The following CAPN3 variants were observed in gnomAD, a reference collection of about 807,000 sequenced individuals.
The protein encoded by CAPN3 is calpain 3.
Under a neutral mutation model 114.0 loss-of-function variants are expected in CAPN3, and 88 were observed. The observed-to-expected ratio is 0.77, with a 90% CI of 0.65 to 0.92. CAPN3 has a LOEUF of 0.92. CAPN3 is among the 40% of genes least tolerant of loss of function. CAPN3 has a pLI of 0.00. For synonymous variants in CAPN3, 386 were observed against 382.9 expected (o/e 1.01, Z -0.09); for missense variants, 1,028 against 1,069.0 (o/e 0.96, Z 0.53).
intron 23 of CAPN3, among the ~76,000 whole-genome samples, 175 bp from the exon 24 acceptor site, chr15:42,411,569 CCTT>C (rs2054237861): frequency 6.6e-6 from 1 of 151,486 alleles, no homozygotes; most frequent in African/African-American, 2.4e-5. Flanking sequence ...AAAACATGCA[CCTT>C]CTTAGGGAAG....
At chr15:42,366,920 A>G (rs191807471) in intron 1 of CAPN3, among the ~76,000 whole-genome samples, 1 of 141,156 alleles carries the variant, frequency 7.1e-6, no homozygotes, top group East Asian at 2.0e-4. Context: ...TGCAACCTCC[A>G]CCTCCCAGGT....
intron 3 of CAPN3, among the ~76,000 whole-genome samples, chr15:42,387,478 A>G (rs902526857): frequency 1.3e-5 from 2 of 152,172 alleles, no homozygotes; most frequent in Non-Finnish European, 2.9e-5. Flanking sequence ...ATCCTAAGAC[A>G]CTCATGGAGC....
In CAPN3 at chr15:42,409,422, C is replaced by G. The variant is rs8028539; in HGVS notation, c.1992+42C>G. 4,302 of 1,526,588 alleles carry G rather than the reference C, an allele frequency of 2.8e-3. 101 individuals are homozygous for G. In the African/African-American group the frequency reaches 0.052, roughly 18 times the overall value. The allele number at this position is 1,526,588 out of a possible 1,614,324, so 94.6% of individuals were successfully genotyped here. On this transcript the variant is annotated intron_variant, in intron 17 of 23. Coordinates refer to ENST00000397163, the MANE Select transcript of CAPN3 (RefSeq NM_000070.3). ...CCAGGACGCCCACAGGTGCTTCCTT[C>G]TCTCCTGGATTAACTGCTCAGATTA...
In CAPN3 at chr15:42,412,010, A is replaced by G. The variant is rs753401049; in HGVS notation, c.*237A>G. 888 of 1,508,602 alleles carry G rather than the reference A, an allele frequency of 5.9e-4. No individual in the cohort carries two copies. Among genetic ancestry groups the G allele is most frequent in the Non-Finnish European group, 7.4e-4 (838 of 1,131,752 alleles). The allele number at this position is 1,508,602 out of a possible 1,614,324, so 93.5% of individuals were successfully genotyped here. A position where few individuals can be genotyped will look rare whatever the true frequency, so the allele number is the denominator to read the frequency against. Reference sequence around the variant, plus strand: ...AAGAACAAACCCTTGTCCCTTTGCCATGTGGAGGAAAGTGCCTGCCTCTGG... The same window carrying G: ...AAGAACAAACCCTTGTCCCTTTGCCGTGTGGAGGAAAGTGCCTGCCTCTGG... On this transcript the variant is annotated 3_prime_UTR_variant, in exon 24 of 24. Transcript: ENST00000397163.
chr15:42,412,287 G>C lies in CAPN3; in HGVS notation c.*514G>C. The C allele has an allele frequency of 1.1e-5, 13 of 1,145,010 alleles. No homozygotes were observed. Among genetic ancestry groups the C allele is most frequent in the African/African-American group, 1.5e-5 (1 of 65,202 alleles). 70.9% of individuals were successfully genotyped at this position (1,145,010 alleles called of 1,614,324 possible). A position where few individuals can be genotyped will look rare whatever the true frequency, so the allele number is the denominator to read the frequency against. ...GTTTGGCTGCATTTTGAAAAAAGCT[G>C]ATCTAAATAAAGGCATGTGTATGGC... On this transcript the variant is annotated 3_prime_UTR_variant, in exon 24 of 24. Transcript: ENST00000397163.
intron 2 of CAPN3, among the ~76,000 whole-genome samples, chr15:42,385,059 TTC>T (rs2053359124): frequency 6.6e-6 from 1 of 152,294 alleles, no homozygotes; most frequent in Non-Finnish European, 1.5e-5. Context: ...GCATCCAATT[TTC>T]TCTTTGATTG....
chr15:42,375,430 G>C (rs746082830), intron 1 of CAPN3, among the ~76,000 whole-genome samples: 3 of 151,938 alleles, frequency 2.0e-5, no homozygotes, highest in African/African-American at 7.3e-5. Flanking sequence ...GAAGCCCCTT[G>C]TGTCAACTTG....
intron 1 of CAPN3, among the ~76,000 whole-genome samples, chr15:42,370,458 C>T (rs917233504): frequency 9.2e-5 from 14 of 152,196 alleles, no homozygotes; most frequent in African/African-American, 3.4e-4. Context: ...GTGCCTACGA[C>T]CCAGTTGTTT....
chr15:42,391,197 C>T (rs546225213), intron 6 of CAPN3, among the ~76,000 whole-genome samples: 55 of 152,210 alleles, frequency 3.6e-4, no homozygotes, highest in African/African-American at 1.3e-3. Flanking sequence ...TACCCAATAC[C>T]CTATTATTGG....
chr15:42,409,340 A>G lies in CAPN3; in HGVS notation c.1952A>G (p.Gln651Arg), dbSNP rs1277684622. 1 of 1,614,236 alleles carries G rather than the reference A, an allele frequency of 6.2e-7. No homozygotes were observed. Among genetic ancestry groups the G allele is most frequent in the Non-Finnish European group, 8.5e-7 (1 of 1,180,034 alleles). ...PGSSDQESEEQQQFRNIFKQI... is the reference protein window; with the variant it reads ...PGSSDQESEERQQFRNIFKQI... ...AGCTCTGATCAGGAAAGTGAGGAAC[A>G]GCAACAATTCCGGAACATTTTCAAG... is the stretch of plus-strand genomic sequence containing the variant. The change falls in exon 17 of 24, where the codon CAG becomes CGG. Residue 651 changes from glutamine to arginine, a missense_variant. Coordinates refer to ENST00000397163, the MANE Select transcript of CAPN3 (RefSeq NM_000070.3).
intron 21 of CAPN3, 87 bp from the exon 22 acceptor site, chr15:42,410,797 C>A: frequency 7.2e-7 from 1 of 1,383,236 alleles, no homozygotes; most frequent in Non-Finnish European, 1.0e-6. Context: ...CTTCCCAGGT[C>A]ACAGAGTGGC....
chr15:42,371,419 G>GA (rs1324770718), intron 1 of CAPN3, among the ~76,000 whole-genome samples: 1 of 152,110 alleles, frequency 6.6e-6, no homozygotes, highest in Non-Finnish European at 1.5e-5. Flanking sequence ...AGAAATACAA[G>GA]AAAAGATGCA....
At chr15:42,367,068 A>G (rs1395629595) in intron 1 of CAPN3, among the ~76,000 whole-genome samples, 3 of 152,060 alleles carry the variant, frequency 2.0e-5, no homozygotes, top group East Asian at 1.9e-4. Context: ...TCCTGACCCC[A>G]GTGATCCACC....
chr15:42,404,423 G>T (rs2053963273), intron 14 of CAPN3: 1 of 456,536 alleles, frequency 2.2e-6, no homozygotes. Flanking sequence ...GAGGTAGATG[G>T]GGTTATAATC....
At chr15:42,397,457 C>T (rs1231161341) in intron 9 of CAPN3, among the ~76,000 whole-genome samples, 4 of 152,046 alleles carry the variant, frequency 2.6e-5, no homozygotes, top group African/African-American at 7.2e-5. Context: ...TTGGCTAACA[C>T]GGTGAAACCC....
At chr15:42,386,626 G>T (rs771873733) in intron 3 of CAPN3, among the ~76,000 whole-genome samples, 1 of 152,122 alleles carries the variant, frequency 6.6e-6, no homozygotes, top group Non-Finnish European at 1.5e-5. Context: ...GACACCACAG[G>T]ACCCTTCAGG....
At chr15:42,373,506 T>TA (rs2053010005) in intron 1 of CAPN3, among the ~76,000 whole-genome samples, 1 of 152,244 alleles carries the variant, frequency 6.6e-6, no homozygotes, top group African/African-American at 2.4e-5. Flanking sequence ...TCCCTGCTCT[T>TA]ACATTAGAGC....
chr15:42,409,164 T>C, intron 16 of CAPN3, 139 bp from the exon 17 acceptor site: 1 of 729,946 alleles, frequency 1.4e-6, no homozygotes, highest in Non-Finnish European at 2.5e-6. Flanking sequence ...GCTCACCAGG[T>C]CTGCATTTGC....
In CAPN3 at chr15:42,409,301, A is replaced by C; in HGVS notation, c.1915-2A>C. 1.2e-6 allele frequency: 2 copies of C among 1,614,116 alleles called. No homozygotes were observed. Among genetic ancestry groups the C allele is most frequent in the Non-Finnish European group, 1.7e-6 (2 of 1,179,980 alleles). ...AACCAGTTTTCCTTTGTGCCTCCAC[A>C]GCCACAGCCTGGCAGCTCTGATCAG... On this transcript the variant is annotated splice_acceptor_variant, in intron 16 of 23. Coordinates refer to ENST00000397163, the MANE Select transcript of CAPN3 (RefSeq NM_000070.3). LOFTEE classifies it high-confidence loss of function.
Sources: allele counts gnomAD v4.1 joint callset (sites outside exome capture counted in the v4.1 genomes callset), GRCh38; gene constraint gnomAD v4.1.1; transcripts MANE v1.5; gene names NCBI Gene and HGNC (gene_info 2026-07-23, HGNC 2026-07-21).